Variants in GRIN2D observed in about 807,000 individuals in gnomAD.
The protein encoded by GRIN2D is glutamate receptor ionotropic, NMDA 2D.
A neutral mutation model predicts 103.2 loss-of-function variants in GRIN2D; 37 were observed. The ratio of observed to expected loss-of-function variants is 0.36; its 90% confidence interval spans 0.28 to 0.47. The LOEUF (loss-of-function observed/expected upper bound fraction) is 0.47. Among genes scored for constraint, GRIN2D ranks in the 20% least tolerant of loss-of-function variants. The pLI is 1.00. For synonymous variants in GRIN2D, 845 were observed against 885.6 expected, an observed-to-expected ratio of 0.95 and a Z score of 0.81; for missense variants, 1,557 against 1,910.6, an observed-to-expected ratio of 0.81 and a Z score of 3.45.
Position 48,419,349 on chromosome 19 carries a change from C to T in GRIN2D, c.1851C>T (p.Ala617=). The change falls in exon 9 of 14, where the codon GCC becomes GCT. Residue 617 remains alanine, a synonymous_variant. Coordinates refer to ENST00000263269, the MANE Select transcript of GRIN2D (RefSeq NM_000836.4). ...CTGTTGGTTACAACCGCAGCCTGGC[C>T]ACGGGCAAGCGTGAGTCCCCCTTCC... ...LSPVGYNRSL[A]TGKRPGGSTF... is the part of the protein sequence containing the mutation. The T allele has an allele frequency of 6.2e-7, 1 of 1,603,428 alleles. No homozygotes were observed.
Position 48,444,145 on chromosome 19 carries a change from C to T in GRIN2D, c.*208C>T, listed in dbSNP as rs967610812. The T allele has an allele frequency of 1.7e-5, 7 of 406,684 alleles. No individual in the cohort carries two copies. Among genetic ancestry groups the T allele is most frequent in the African/African-American group, 4.1e-5 (2 of 48,330 alleles). The allele number at this position is 406,684 out of a possible 1,614,324, so 25.2% of individuals were successfully genotyped here. A position where few individuals can be genotyped will look rare whatever the true frequency, so the allele number is the denominator to read the frequency against. ...CCTCAACTATCACCCAGCCTGAGAA[C>T]GAGGGGGCGGGGGCCTTGGAGCCCA... On this transcript the variant is annotated 3_prime_UTR_variant, in exon 14 of 14. Transcript: ENST00000263269. The surrounding 1 kb of genome is among the most constrained non-coding windows in gnomAD (Gnocchi z 5.5).
chr19:48,415,931 G>T, intron 7 of GRIN2D, 71 bp from the exon 8 acceptor site: 1 of 1,426,514 alleles, frequency 7.0e-7, no homozygotes, highest in African/African-American at 1.4e-5. Context: ...GCCCGTCTCT[G>T]CTCGCCGTCC....
chr19:48,408,737 T>C (rs1970820455), intron 4 of GRIN2D, among the ~76,000 whole-genome samples: 1 of 150,392 alleles, frequency 6.6e-6, no homozygotes. Context: ...GGAGAATCAC[T>C]TGAACCTGGG....
At chr19:48,440,682 C>CCCCTTCTAAGCCTT (rs1971280601) in intron 11 of GRIN2D, among the ~76,000 whole-genome samples, 1 of 15,534 alleles carries the variant, frequency 6.4e-5, no homozygotes, top group Non-Finnish European at 2.2e-4. Context: ...TTTTTTCCCT[C>CCCCTTCTAAGCCTT]AATCTTCCTC....
intron 3 of GRIN2D, among the ~76,000 whole-genome samples, chr19:48,401,024 A>G (rs1480830231): frequency 1.3e-5 from 2 of 150,838 alleles, no homozygotes; most frequent in Non-Finnish European, 3.0e-5. Flanking sequence ...CCGAGATTGC[A>G]GTGAGCCGAG....
chr19:48,406,422 G>T (rs1403584212), intron 4 of GRIN2D, among the ~76,000 whole-genome samples: 2 of 152,130 alleles, frequency 1.3e-5, no homozygotes, highest in African/African-American at 4.8e-5. Context: ...TGGTAAGTTT[G>T]GTGACAGAAC....
At chr19:48,432,765 T>G (rs1971173232) in intron 11 of GRIN2D, among the ~76,000 whole-genome samples, 3 of 150,884 alleles carry the variant, frequency 2.0e-5, no homozygotes, top group Admixed American at 2.0e-4. Flanking sequence ...GGCCAGAAAC[T>G]GGACTTTCTT....
chr19:48,425,766 T>G (rs1166000765), intron 11 of GRIN2D, among the ~76,000 whole-genome samples: 1 of 152,196 alleles, frequency 6.6e-6, no homozygotes, highest in Non-Finnish European at 1.5e-5. Flanking sequence ...CGTGTCTTTT[T>G]ATAGATATTT....
rs1970761528 is a variant in GRIN2D, at chr19:48,404,740, G to A, written c.472G>A (p.Gly158Ser). The A allele has an allele frequency of 1.9e-6, 3 of 1,599,428 alleles. No homozygotes were observed. In the East Asian group the frequency reaches 6.7e-5, roughly 36 times the overall value. ...CCTCCTCCCTCCCTGGCAGGAGAAG[G>A]GCTCCACCTTCCTGCAGCTGGGCTC... Reference protein sequence around the residue: ...AALVLTPKEKGSTFLQLGSST... With the variant: ...AALVLTPKEKSSTFLQLGSST... The change falls in exon 4 of 14, where the codon GGC becomes AGC. Residue 158 changes from glycine to serine, a missense_variant. Gly to Ser is a moderately conservative substitution (Grantham distance 56). This residue lies in a region of GRIN2D where 490 missense variants were observed against 601.1 expected (regional missense o/e 0.82). Transcript: ENST00000263269.
At chr19:48,406,027 G>A (rs994235654) in intron 4 of GRIN2D, among the ~76,000 whole-genome samples, 4 of 152,058 alleles carry the variant, frequency 2.6e-5, no homozygotes, top group East Asian at 1.9e-4. Context: ...TGTTGAGAAC[G>A]TAGTCATATG....
chr19:48,402,115 G>GAAAGAAAGAAA (rs1970717757), intron 3 of GRIN2D, among the ~76,000 whole-genome samples: 2 of 88,024 alleles, frequency 2.3e-5, no homozygotes, highest in Non-Finnish European at 4.3e-5. Flanking sequence ...AGAAAGAGAA[G>GAAAGAAAGAAA]GAAAGAAAGA....
chr19:48,396,511 C>T (rs1276104909), intron 2 of GRIN2D, among the ~76,000 whole-genome samples: 4 of 151,534 alleles, frequency 2.6e-5, no homozygotes, highest in African/African-American at 9.7e-5. Context: ...TGAGTGTTAA[C>T]CCCGCGGGGG....
In GRIN2D at chr19:48,414,887, C is replaced by A; in HGVS notation, c.1436C>A (p.Pro479Gln). ...THSPPPDAPR[P>Q]EKRCCKGFCI... ...AGCCCTCCACCGGATGCCCCCCGCC[C>A]GGAAAAGCGCTGCTGCAAGGGTTTC... Residue 479 changes from proline (P) to glutamine (Q), a missense_variant, in exon 7 of 14, where the codon CCG (proline) becomes CAG (glutamine). This residue lies in a region of GRIN2D where 197 missense variants were observed against 334.1 expected (regional missense o/e 0.59). Coordinates refer to ENST00000263269, the MANE Select transcript of GRIN2D (RefSeq NM_000836.4). The surrounding 1 kb of genome is among the most constrained non-coding windows in gnomAD (Gnocchi z 4.6). 6.2e-7 allele frequency: 1 copy of A among 1,614,154 alleles called. No individual in the cohort carries two copies. Among genetic ancestry groups the A allele is most frequent in the Non-Finnish European group, 8.5e-7 (1 of 1,180,046 alleles).
Position 48,421,506 on chromosome 19 carries a change from T to C in GRIN2D, c.2092-279T>C, listed in dbSNP as rs278059. On this transcript the variant is annotated intron_variant, in intron 10 of 13. Transcript: ENST00000263269. This position sits in a 1 kb window ranked among gnomAD's most constrained non-coding sequence, Gnocchi z 4.8. ...CAGCTCCTGCCATGCCAGCCTCTAC[T>C]CCCAGGACCTCCCGCGATTCAGTAA... Among the ~76,000 whole-genome samples, 95,889 of 151,784 alleles carry C rather than the reference T, an allele frequency of 0.63. 32,057 individuals are homozygous for C. Among genetic ancestry groups the C allele is most frequent in the East Asian group, 0.85 (4,382 of 5,152 alleles).
intron 11 of GRIN2D, among the ~76,000 whole-genome samples, chr19:48,427,748 T>C (rs1472835670): frequency 3.9e-5 from 6 of 152,144 alleles, no homozygotes; most frequent in Non-Finnish European, 8.8e-5. Context: ...CCCAAAGTGC[T>C]GGGATTACAG....
intron 8 of GRIN2D, among the ~76,000 whole-genome samples, chr19:48,417,065 A>G (rs1970958013): frequency 2.0e-5 from 3 of 151,988 alleles, no homozygotes; most frequent in Non-Finnish European, 2.9e-5. Flanking sequence ...ACTACAGAAG[A>G]TGGTGTGGGG....
chr19:48,415,750 G>C (rs1253799400), intron 7 of GRIN2D, among the ~76,000 whole-genome samples: 1 of 152,006 alleles, frequency 6.6e-6, no homozygotes, highest in Non-Finnish European at 1.5e-5. Context: ...CTGGACCAAG[G>C]CCTTGAGGTC....
At chr19:48,429,912 G>A (rs1003044704) in intron 11 of GRIN2D, among the ~76,000 whole-genome samples, 4 of 152,096 alleles carry the variant, frequency 2.6e-5, no homozygotes, top group African/African-American at 9.7e-5. Flanking sequence ...TCAGCCCAGA[G>A]GAATCTACTT....
In GRIN2D at chr19:48,414,035, A is replaced by G; in HGVS notation, c.1130A>G (p.Asn377Ser). 1 of 1,613,164 alleles carries G rather than the reference A, an allele frequency of 6.2e-7. No homozygotes were observed. The highest frequency in any genetic ancestry group is 2.2e-5 in the East Asian group (1 of 44,858). Residue 377 changes from asparagine (N) to serine (S), a missense_variant, in exon 5 of 14, where the codon AAT becomes AGT. Transcript: ENST00000263269. The surrounding 1 kb of genome is among the most constrained non-coding windows in gnomAD (Gnocchi z 4.6). ...ITWDNRDYSFNEDGFLVNPSL... is the reference protein window; with the variant it reads ...ITWDNRDYSFSEDGFLVNPSL... The stretch of plus-strand genomic sequence containing the variant: ...TGGGATAACCGGGATTACTCCTTCA[A>G]TGAGGACGGCTTCCTAGTGAACCCC...
Sources: allele counts gnomAD v4.1 joint callset (sites outside exome capture counted in the v4.1 genomes callset), GRCh38; gene constraint gnomAD v4.1.1; regional missense constraint gnomAD v4.1.1; non-coding constraint Gnocchi (gnomAD v3.1); transcripts MANE v1.5; gene names NCBI Gene and HGNC (gene_info 2026-07-23, HGNC 2026-07-21).